Variants in WDR74 observed in about 807,000 individuals in gnomAD.
WDR74 encodes WD repeat-containing protein 74.
A neutral mutation model predicts 45.6 loss-of-function variants in WDR74; 31 were observed. That is an observed-to-expected ratio of 0.68 (90% CI 0.51 to 0.92). The LOEUF (loss-of-function observed/expected upper bound fraction) is 0.92, where lower values mean the gene tolerates loss of function less well. Among genes scored for constraint, WDR74 ranks in the 40% least tolerant of loss-of-function variants. The probability of loss-of-function intolerance (pLI) is 0.00; values close to 1 mark genes in which losing one functional copy is unlikely to be tolerated. For synonymous variants in WDR74, 191 were observed against 192.4 expected (o/e 0.99, Z 0.06); for missense variants, 455 against 497.2 (o/e 0.92, Z 0.81).
At chr11:62,839,722 AC>A, upstream of WDR74, 1 of 932,030 alleles carries the variant, frequency 1.1e-6, no homozygotes, top group Non-Finnish European at 1.6e-6. Flanking sequence ...CGAAAATGAA[AC>A]CAGGAGGTGC....
chr11:62,841,361 G>T (rs142535417), upstream of WDR74, among the ~76,000 whole-genome samples: 39 of 152,258 alleles, frequency 2.6e-4, no homozygotes, highest in Non-Finnish European at 5.0e-4. Context: ...TTAGCCGGGG[G>T]TGGTGGCAAG....
At position 62,834,271 on chromosome 11, in the gene WDR74, C is replaced by CTCA; in HGVS notation, c.775+2_775+4dup. 6.2e-7 allele frequency: 1 copy of CTCA among 1,613,964 alleles called. No homozygotes were observed. The highest frequency in any genetic ancestry group is 8.5e-7 in the Non-Finnish European group (1 of 1,179,898). The stretch of plus-strand genomic sequence containing the variant: ...CTTTCCCCCAATGTACCCTAGTCCA[C>CTCA]TCACCTTGCCGAAGGTCAATTTCTG... On this transcript the variant is annotated splice_donor_region_variant and intron_variant, in intron 8 of 10. Transcript: ENST00000278856.
rs1172079942 is a variant in WDR74, at chr11:62,833,141, G to A, written c.979-10C>T. ...GCTCTTGGGGCTCATCCTGGTGAGT[G>A]GGAAGAAAGCTTAGGAGTCAGGGGG... On this transcript the variant is annotated splice_polypyrimidine_tract_variant and intron_variant, in intron 10 of 10. Transcript: ENST00000278856. 8 of 1,611,910 alleles carry A rather than the reference G, an allele frequency of 5.0e-6. No homozygotes were observed. The highest frequency in any genetic ancestry group is 6.8e-6 in the Non-Finnish European group (8 of 1,179,272).
rs1416692513 is a variant in WDR74, at chr11:62,835,999, C to G, written c.331G>C (p.Val111Leu). The change falls in exon 4 of 11, where the codon GTC (valine) becomes CTC (leucine). Residue 111 changes from valine to leucine, a missense_variant. Val to Leu is a conservative substitution (Grantham distance 32, BLOSUM62 1). Coordinates refer to ENST00000278856, the MANE Select transcript of WDR74 (RefSeq NM_001369450.1). ...ITCVDSGILR[V>L]WHDKDKDTSS... is the part of the protein sequence containing the mutation. Reference sequence around the variant, plus strand: ...GTGTCCTTGTCCTTGTCATGCCAGACTCTGAGAATCCCAGAATCCACACAT... The same window carrying G: ...GTGTCCTTGTCCTTGTCATGCCAGAGTCTGAGAATCCCAGAATCCACACAT... 6.3e-7 allele frequency: 1 copy of G among 1,597,490 alleles called. No homozygotes were observed. The highest frequency in any genetic ancestry group is 2.2e-5 in the East Asian group (1 of 44,512).
At chr11:62,834,134 A>C (rs926942452) in intron 8 of WDR74, 142 bp downstream of exon 8, 66 of 1,465,552 alleles carry the variant, frequency 4.5e-5, no homozygotes, top group Non-Finnish European at 5.8e-5. Context: ...AAGGTCATAC[A>C]GCTTTTAGGG....
upstream of WDR74, chr11:62,840,255 G>C (rs189359958): frequency 2.0e-5 from 3 of 152,346 alleles, no homozygotes; most frequent in Admixed American, 2.0e-4. Context: ...CGAGGCGGGC[G>C]GATCATGAGG....
intron 3 of WDR74, among the ~76,000 whole-genome samples, chr11:62,837,530 G>A (rs891234424): frequency 2.7e-5 from 4 of 147,440 alleles, no homozygotes; most frequent in African/African-American, 5.0e-5. Flanking sequence ...AAAAAAAAAC[G>A]CTTCCTTGTT....
At chr11:62,833,446 G>A in intron 10 of WDR74, 172 bp downstream of exon 10, 1 of 809,086 alleles carries the variant, frequency 1.2e-6, no homozygotes, top group Non-Finnish European at 1.9e-6. Flanking sequence ...CCATGCTGTT[G>A]GCAATAACCC....
At chr11:62,833,968 T>C in intron 8 of WDR74, 31 bp from the exon 9 acceptor site, 1 of 1,607,784 alleles carries the variant, frequency 6.2e-7, no homozygotes, top group Non-Finnish European at 8.5e-7. Flanking sequence ...CCGTGATAAC[T>C]GGCTGGCCAA....
chr11:62,833,451 TA>T, intron 10 of WDR74, 166 bp downstream of exon 10: 1 of 849,488 alleles, frequency 1.2e-6, no homozygotes, highest in Non-Finnish European at 1.8e-6. Flanking sequence ...CTGTTGGCAA[TA>T]ACCCTCTCAG....
chr11:62,833,844 TC>T lies in WDR74; in HGVS notation c.868del (p.Asp290ThrfsTer4). On this transcript the variant is annotated frameshift_variant, in exon 9 of 11. Coordinates refer to ENST00000278856, the MANE Select transcript of WDR74 (RefSeq NM_001369450.1). LOFTEE classifies it high-confidence loss of function. ...GATCCTGTGTATCCTCAAGACTCTG[TC>T]CAAGCCACAGGAGGCTAGTAGAGGC... ...SKPLLASCGLDRVLRIHRIQN... is the reference protein window; with the variant it reads ...SKPLLASCGLXRVLRIHRIQN... 6.2e-7 allele frequency: 1 copy of T among 1,613,914 alleles called. No homozygotes were observed. The highest frequency in any genetic ancestry group is 8.5e-7 in the Non-Finnish European group (1 of 1,179,886).
chr11:62,833,523 C>T, intron 10 of WDR74, 95 bp downstream of exon 10: 1 of 1,427,062 alleles, frequency 7.0e-7, no homozygotes, highest in Non-Finnish European at 9.6e-7. Flanking sequence ...ACAGATAGTC[C>T]CAAGTCTGCA....
chr11:62,839,544 G>A lies in WDR74; in HGVS notation c.27C>T (p.Asn9=), dbSNP rs2085015698. ...CAGTCTCGGTGCCGACCCACACATG[G>A]TTCCAGCGTGCAGCAGCAGCCGCCA... The part of the protein sequence containing the change: MAAAAARW[N]HVWVGTETGI... Residue 9 remains asparagine, a synonymous_variant, in exon 1 of 11, where the codon AAC becomes AAT. Transcript: ENST00000278856. 5 of 1,612,992 alleles carry A rather than the reference G, an allele frequency of 3.1e-6. No homozygotes were observed. Among genetic ancestry groups the A allele is most frequent in the Non-Finnish European group, 4.2e-6 (5 of 1,179,544 alleles).
chr11:62,837,713 C>T (rs543214539), intron 3 of WDR74, among the ~76,000 whole-genome samples: 1 of 152,310 alleles, frequency 6.6e-6, no homozygotes, highest in South Asian at 2.1e-4. Context: ...GTCCCCCCCA[C>T]AGGCTTTCCA....
At chr11:62,838,714 C>T (rs1359673935) in intron 3 of WDR74, among the ~76,000 whole-genome samples, 1 of 150,694 alleles carries the variant, frequency 6.6e-6, no homozygotes, top group Non-Finnish European at 1.5e-5. Flanking sequence ...GCCGAGATCG[C>T]GCCACTGCAC....
chr11:62,834,282 GAAGGTC>G lies in WDR74; in HGVS notation c.763_768del (p.Asp255_Leu256del). 1 of 1,613,846 alleles carries G rather than the reference GAAGGTC, an allele frequency of 6.2e-7. No individual in the cohort carries two copies. ...TGTACCCTAGTCCACTCACCTTGCC[GAAGGTC>G]AATTTCTGCCAGCTGCCCATGAGTG... On this transcript the variant is annotated inframe_deletion, in exon 8 of 11. Transcript: ENST00000278856.
chr11:62,834,089 G>A (rs2084921856), intron 8 of WDR74, 152 bp from the exon 9 acceptor site: 1 of 1,404,522 alleles, frequency 7.1e-7, no homozygotes, highest in Non-Finnish European at 9.8e-7. Context: ...CGCAGGTGAG[G>A]AAACTAAGGC....
rs958336649 is a variant in WDR74 at position 62,834,523 on chromosome 11, C to T, written c.623G>A (p.Arg208His). 1.4e-5 allele frequency: 22 copies of T among 1,607,024 alleles called. No homozygotes were observed. Among genetic ancestry groups the T allele is most frequent in the Middle Eastern group, 1.7e-4 (1 of 6,052 alleles). Reference protein sequence around the residue: ...LVTCTGYHQVRVYDPASPQRR... With the variant: ...LVTCTGYHQVHVYDPASPQRR... ...CTGGGGGGATGCTGGATCATAAACA[C>T]GGACCTAGAGGAAGGCTGAAGCATC... The change falls in exon 7 of 11, where the codon CGT becomes CAT. Residue 208 changes from arginine (R) to histidine (H), a missense_variant. Physicochemically the swap from Arg to His is conservative, Grantham distance 29 (BLOSUM62 0). Coordinates refer to ENST00000278856, the MANE Select transcript of WDR74 (RefSeq NM_001369450.1).
chr11:62,841,203 G>C (rs927553683), upstream of WDR74, among the ~76,000 whole-genome samples: 1 of 152,124 alleles, frequency 6.6e-6, no homozygotes, highest in Non-Finnish European at 1.5e-5. Flanking sequence ...TGTAGTCCCA[G>C]CCACTCGGGA....
Sources: allele counts gnomAD v4.1 joint callset (sites outside exome capture counted in the v4.1 genomes callset), GRCh38; gene constraint gnomAD v4.1.1; transcripts MANE v1.5; gene names NCBI Gene and HGNC (gene_info 2026-07-23, HGNC 2026-07-21).